TTC7A: variants seen among roughly 807,000 people sequenced by gnomAD.
TTC7A encodes tetratricopeptide repeat domain 7A.
A neutral mutation model predicts 103.7 loss-of-function variants in TTC7A; 110 were observed. The ratio of observed to expected loss-of-function variants is 1.06; its 90% confidence interval spans 0.91 to 1.24. TTC7A has a LOEUF of 1.24. Ranked by LOEUF, TTC7A falls within the 50% of genes most tolerant of loss-of-function variation. The pLI is 0.00. For missense variants in TTC7A, 1,340 were observed against 1,116.3 expected (o/e 1.20, Z -2.86); for synonymous variants, 521 against 467.9 (o/e 1.11, Z -1.47).
At chr2:46,993,331 G>A (rs752758688) in intron 5 of TTC7A, 119 bp from the exon 6 acceptor site, 28 of 899,560 alleles carry the variant, frequency 3.1e-5, no homozygotes, top group Middle Eastern at 2.2e-4. Context: ...TCCAGTTATC[G>A]AATGTGTTCA....
intron 2 of TTC7A, among the ~76,000 whole-genome samples, chr2:46,955,600 C>T (rs1671786706): frequency 6.6e-6 from 1 of 152,028 alleles, no homozygotes; most frequent in South Asian, 2.1e-4. Flanking sequence ...GAAGCACAGG[C>T]AAAAGAGGAA....
chr2:46,995,048 C>T, intron 7 of TTC7A, 88 bp from the exon 8 acceptor site: 1 of 1,294,250 alleles, frequency 7.7e-7, no homozygotes, highest in Non-Finnish European at 1.1e-6. Flanking sequence ...CTGGTGCTGA[C>T]TCTGGGGCAG....
intron 1 of TTC7A, among the ~76,000 whole-genome samples, chr2:46,947,004 T>G (rs1671002342): frequency 6.6e-6 from 1 of 152,138 alleles, no homozygotes; most frequent in Admixed American, 6.5e-5. Context: ...GGACCTGAAG[T>G]GTCAATCAAC....
chr2:46,948,306 C>G (rs944531917), intron 1 of TTC7A, among the ~76,000 whole-genome samples: 1 of 152,176 alleles, frequency 6.6e-6, no homozygotes, highest in South Asian at 2.1e-4. Context: ...CCAAGGCCCA[C>G]AGCTCTGGAA....
intron 1 of TTC7A, among the ~76,000 whole-genome samples, chr2:46,948,360 T>A (rs1386618529): frequency 6.6e-6 from 1 of 152,186 alleles, no homozygotes; most frequent in Non-Finnish European, 1.5e-5. Context: ...TCAAAAATAA[T>A]TTTGATGTAC....
Position 47,049,971 on chromosome 2 carries a change from T to G in TTC7A, c.1942T>G (p.Phe648Val). The G allele has an allele frequency of 5.0e-6, 8 of 1,614,102 alleles. No individual in the cohort carries two copies. The highest frequency in any genetic ancestry group is 6.8e-6 in the Non-Finnish European group (8 of 1,179,998). Residue 648 changes from phenylalanine (F) to valine (V), a missense_variant, in exon 17 of 20, where the codon TTC becomes GTC. Physicochemically the swap from Phe to Val is conservative, Grantham distance 50 (BLOSUM62 -1). Coordinates refer to ENST00000319190, the MANE Select transcript of TTC7A (RefSeq NM_020458.4). ...QLGGLEKDGS[F>V]GEGLTMKKQS... is the part of the protein sequence containing the mutation. ...CAGAGGCCTAGAAAAGGATGGCAGC[T>G]TCGGTGAGGGCCTCACCATGAAGAA...
chr2:47,018,583 C>CA (rs201896192), intron 11 of TTC7A, among the ~76,000 whole-genome samples: 10,857 of 76,520 alleles, frequency 0.14, 621 homozygotes, highest in African/African-American at 0.17. Context: ...GACTCCATCT[C>CA]AAAAAAAAAA....
intron 8 of TTC7A, among the ~76,000 whole-genome samples, chr2:46,996,965 GGTTGTTGTTGTT>G (rs375926625): frequency 4.7e-5 from 5 of 106,836 alleles, no homozygotes; most frequent in South Asian, 5.8e-4. Flanking sequence ...TTTTTGTGGT[GGTTGTTGTTGTT>G]GTTGTTGTTG....
chr2:46,999,467 T>G, intron 8 of TTC7A: 1 of 985,236 alleles, frequency 1.0e-6, no homozygotes, highest in Non-Finnish European at 1.2e-6. Flanking sequence ...CCACCATGTA[T>G]CCATCTAATC....
chr2:46,962,520 G>T (rs1019736010), intron 3 of TTC7A, among the ~76,000 whole-genome samples: 1 of 152,200 alleles, frequency 6.6e-6, no homozygotes, highest in Non-Finnish European at 1.5e-5. Flanking sequence ...GCCAAGTTAG[G>T]GTCACTTCCT....
At chr2:46,955,137 C>T (rs1671736182) in intron 2 of TTC7A, among the ~76,000 whole-genome samples, 1 of 151,132 alleles carries the variant, frequency 6.6e-6, no homozygotes, top group South Asian at 2.1e-4. Flanking sequence ...TGGACTTTGC[C>T]CTATTAATGC....
intron 3 of TTC7A, among the ~76,000 whole-genome samples, chr2:46,960,990 C>T (rs752114140): frequency 3.3e-5 from 5 of 152,186 alleles, no homozygotes; most frequent in African/African-American, 4.8e-5. Context: ...TATTTGTGGA[C>T]GAGTTGTTCA....
intron 2 of TTC7A, among the ~76,000 whole-genome samples, chr2:46,924,709 C>T (rs1669294126): frequency 6.6e-6 from 1 of 152,190 alleles, no homozygotes; most frequent in South Asian, 2.1e-4. Context: ...ACACTGCAGC[C>T]TCAACCTCCT....
chr2:46,964,277 A>G (rs1417839335), intron 3 of TTC7A, among the ~76,000 whole-genome samples: 1 of 152,154 alleles, frequency 6.6e-6, no homozygotes. Flanking sequence ...GGCCAAAGGG[A>G]AGCCCCGGGG....
At chr2:46,943,224 C>T (rs1670609801) in intron 1 of TTC7A, among the ~76,000 whole-genome samples, 1 of 152,126 alleles carries the variant, frequency 6.6e-6, no homozygotes, top group African/African-American at 2.4e-5. Context: ...TTTTTAAATT[C>T]TTGTAAACAA....
chr2:46,991,360 G>A (rs1675610484), intron 5 of TTC7A, among the ~76,000 whole-genome samples: 1 of 152,056 alleles, frequency 6.6e-6, no homozygotes, highest in East Asian at 1.9e-4. Context: ...GCCAGGCGTG[G>A]TGGTGGCTCA....
chr2:46,951,133 G>A (rs1329992033), intron 2 of TTC7A, among the ~76,000 whole-genome samples: 1 of 152,156 alleles, frequency 6.6e-6, no homozygotes, highest in East Asian at 1.9e-4. Flanking sequence ...GCCCATTTAA[G>A]TCCACGTGTA....
In TTC7A at chr2:46,983,616, G is replaced by C. The variant is rs996834913; in HGVS notation, c.764+4709G>C. Among the ~76,000 whole-genome samples the C allele has an allele frequency of 2.0e-5, 3 of 152,208 alleles. No homozygotes were observed. The East Asian group carries it at 5.8e-4, about 29-fold the overall frequency. ...AACTCCTCAGTGACTTATGAAGCCC[G>C]GCACGGACCTGGGGCAGTTGTGCCT... On this transcript the variant is annotated intron_variant, in intron 5 of 19. Transcript: ENST00000319190.
intron 5 of TTC7A, among the ~76,000 whole-genome samples, chr2:46,989,799 C>CGTGT (rs751395843): frequency 1.4e-5 from 2 of 144,128 alleles, no homozygotes; most frequent in Admixed American, 7.0e-5. Flanking sequence ...TCTTTAATTG[C>CGTGT]GTGTGTGTGT....
Sources: allele counts gnomAD v4.1 joint callset (sites outside exome capture counted in the v4.1 genomes callset), GRCh38; gene constraint gnomAD v4.1.1; transcripts MANE v1.5; gene names NCBI Gene and HGNC (gene_info 2026-07-23, HGNC 2026-07-21).